IL17RA: variants seen among roughly 807,000 people sequenced by gnomAD.
The protein encoded by IL17RA is interleukin-17 receptor A.
Under a neutral mutation model 50.4 loss-of-function variants are expected in IL17RA, and 34 were observed. The observed-to-expected ratio is 0.67, with a 90% CI of 0.51 to 0.90. The LOEUF (loss-of-function observed/expected upper bound fraction) is 0.90, where lower values mean the gene tolerates loss of function less well. IL17RA is among the 40% of genes least tolerant of loss of function. IL17RA has a pLI of 0.00. For synonymous variants in IL17RA, 585 were observed against 510.4 expected (o/e 1.15, Z -1.97); for missense variants, 1,276 against 1,169.8 (o/e 1.09, Z -1.32).
At chr22:17,104,206 G>A (rs2061404002) in intron 8 of IL17RA, among the ~76,000 whole-genome samples, 2 of 50,588 alleles carry the variant, frequency 4.0e-5, no homozygotes, top group Non-Finnish European at 4.1e-5. Context: ...GGTGTGGCTG[G>A]GAGTGGGGAG....
chr22:17,092,955 T>C (rs1360900270), intron 1 of IL17RA, among the ~76,000 whole-genome samples: 1 of 152,208 alleles, frequency 6.6e-6, no homozygotes, highest in Admixed American at 6.5e-5. Context: ...TCAGTTTTCA[T>C]TCTCTGCCTG....
intron 1 of IL17RA, among the ~76,000 whole-genome samples, chr22:17,094,703 A>ATATATGTG (rs1555873374): frequency 6.1e-5 from 4 of 65,878 alleles, no homozygotes; most frequent in African/African-American, 1.8e-4. Flanking sequence ...ATATATATAT[A>ATATATGTG]TATATATATA....
intron 1 of IL17RA, among the ~76,000 whole-genome samples, chr22:17,090,303 C>T (rs539581781): frequency 3.9e-5 from 6 of 152,300 alleles, no homozygotes; most frequent in African/African-American, 1.4e-4. Flanking sequence ...GGATTACAGG[C>T]GTGAGCCATG....
chr22:17,108,212 T>C, intron 12 of IL17RA, 95 bp from the exon 13 acceptor site: 1 of 1,304,718 alleles, frequency 7.7e-7, no homozygotes, highest in Non-Finnish European at 1.1e-6. Context: ...GGAGCCAAGC[T>C]CTGTGTCCTG....
intron 8 of IL17RA, 139 bp downstream of exon 8, chr22:17,103,716 G>A: frequency 1.4e-6 from 1 of 738,750 alleles, no homozygotes; most frequent in Non-Finnish European, 2.4e-6. Context: ...GAGTGGTGTG[G>A]ACGGGAGTGG....
Position 17,105,596 on chromosome 22 carries a change from A to G in IL17RA, c.937A>G (p.Ile313Val). ...TTCCTCTGTTCTCATTGCAGAACCAATTCCGGGTAAGCTTGGATCTCTCTC... is the reference window on the plus strand; with the variant it reads ...TTCCTCTGTTCTCATTGCAGAACCAGTTCCGGGTAAGCTTGGATCTCTCTC... ...CPEMPDTPEP[I>V]PDYMPLWVYW... Residue 313 changes from isoleucine (I) to valine (V), a missense_variant, in exon 10 of 13, where the codon ATT becomes GTT. Transcript: ENST00000319363. 6.2e-7 allele frequency: 1 copy of G among 1,613,504 alleles called. No homozygotes were observed. Among genetic ancestry groups the G allele is most frequent in the Non-Finnish European group, 8.5e-7 (1 of 1,179,382 alleles).
At chr22:17,104,629 C>A in intron 8 of IL17RA, 97 bp from the exon 9 acceptor site, 1 of 1,100,262 alleles carries the variant, frequency 9.1e-7, no homozygotes, top group Non-Finnish European at 1.4e-6. Flanking sequence ...CGTGGTGTAG[C>A]CAGCCAGGAT....
At chr22:17,106,444 G>A (rs536483336) in intron 11 of IL17RA, among the ~76,000 whole-genome samples, 19 of 152,324 alleles carry the variant, frequency 1.2e-4, no homozygotes, top group African/African-American at 4.1e-4. Context: ...ATACACCATG[G>A]ATTCACTTTT....
chr22:17,107,828 G>C (rs1353256720), intron 12 of IL17RA, 60 bp downstream of exon 12: 52 of 1,488,304 alleles, frequency 3.5e-5, no homozygotes, highest in Non-Finnish European at 4.6e-5. Context: ...GTTCTCCTGG[G>C]ATAAGTGCGT....
intron 12 of IL17RA, 62 bp from the exon 13 acceptor site, chr22:17,108,245 C>A: frequency 6.5e-7 from 1 of 1,544,972 alleles, no homozygotes; most frequent in Non-Finnish European, 8.9e-7. Flanking sequence ...CCTGGGCTGG[C>A]AGGCACAGAG....
Position 17,094,683 on chromosome 22 carries a change from C to G in IL17RA, c.139-2379C>G, listed in dbSNP as rs868153121. Among the ~76,000 whole-genome samples the G allele has an allele frequency of 9.8e-3, 459 of 46,924 alleles. 53 individuals carry two copies. Among genetic ancestry groups the G allele is most frequent in the Non-Finnish European group, 0.013 (319 of 25,208 alleles). The allele number at this position is 46,924 out of a possible 152,430, so 30.8% of individuals were successfully genotyped here. On this transcript the variant is annotated intron_variant, in intron 1 of 12. Transcript: ENST00000319363. ...TCTCTCTCTCTCTCTCTCTCTCTCT[C>G]TCTCTCTCTATATATATATATATAT...
Position 17,109,606 on chromosome 22 carries a change from A to G in IL17RA, c.2387A>G (p.Tyr796Cys). 6.2e-7 allele frequency: 1 copy of G among 1,605,156 alleles called. No individual in the cohort carries two copies. The change falls in exon 13 of 13, where the codon TAC becomes TGC. Residue 796 changes from tyrosine (Y) to cysteine (C), a missense_variant. Physicochemically the swap from Tyr to Cys is radical, Grantham distance 194. Coordinates refer to ENST00000319363, the MANE Select transcript of IL17RA (RefSeq NM_014339.7). ...QRQSVQSDQGYISRSSPQPPE... is the reference protein window; with the variant it reads ...QRQSVQSDQGCISRSSPQPPE... The stretch of plus-strand genomic sequence containing the variant: ...CAGTCAGTGCAGTCTGACCAGGGCT[A>G]CATCTCCAGGAGCTCCCCGCAGCCC...
chr22:17,105,873 T>A lies in IL17RA; in HGVS notation c.964T>A (p.Tyr322Asn). The A allele has an allele frequency of 1.2e-6, 2 of 1,614,088 alleles. No individual in the cohort carries two copies. The highest frequency in any genetic ancestry group is 1.7e-6 in the Non-Finnish European group (2 of 1,179,982). The change falls in exon 11 of 13, where the codon TAC becomes AAC. Residue 322 changes from tyrosine (Y) to asparagine (N), a missense_variant. Coordinates refer to ENST00000319363, the MANE Select transcript of IL17RA (RefSeq NM_014339.7). Reference protein sequence around the residue: ...PIPDYMPLWVYWFITGISILL... With the variant: ...PIPDYMPLWVNWFITGISILL... ...CGCAGACTACATGCCCCTGTGGGTG[T>A]ACTGGTTCATCACGGGCATCTCCAT...
At position 17,105,914 on chromosome 22, in the gene IL17RA, C is replaced by T. The variant is rs147505812; in HGVS notation, c.1005C>T (p.Ser335=). 7.4e-6 allele frequency: 12 copies of T among 1,614,050 alleles called. No individual in the cohort carries two copies. The highest frequency in any genetic ancestry group is 3.3e-5 in the Admixed American group (2 of 60,004). ...GCATCTCCATCCTGCTGGTGGGCTC[C>T]GTCATCCTGCTCATCGTCTGCATGA... ...ITGISILLVG[S]VILLIVCMTW... Residue 335 remains serine, a synonymous_variant, in exon 11 of 13, where the codon TCC becomes TCT. Coordinates refer to ENST00000319363, the MANE Select transcript of IL17RA (RefSeq NM_014339.7).
chr22:17,100,264 CG>C, intron 4 of IL17RA, 90 bp from the exon 5 acceptor site: 2 of 1,487,910 alleles, frequency 1.3e-6, no homozygotes, highest in East Asian at 4.5e-5. Flanking sequence ...GCTGAATATT[CG>C]GGAGTGGGTG....
Position 17,112,543 on chromosome 22 carries a change from G to A in IL17RA, c.*2723G>A, listed in dbSNP as rs1470210804. On this transcript the variant is annotated 3_prime_UTR_variant, in exon 13 of 13. Transcript: ENST00000319363. ...AGAAAGGAGTCATAAATTCTCCAAGGTGTCTGTTTCTTCTTTAATGTCATT... is the reference window on the plus strand; with the variant it reads ...AGAAAGGAGTCATAAATTCTCCAAGATGTCTGTTTCTTCTTTAATGTCATT... 6.6e-6 allele frequency: 1 copy of A among 151,994 alleles called. No homozygotes were observed. The highest frequency in any genetic ancestry group is 1.5e-5 in the Non-Finnish European group (1 of 68,038). 9.4% of individuals were successfully genotyped at this position (151,994 alleles called of 1,614,324 possible).
At chr22:17,097,154 C>G (rs776676327) in intron 2 of IL17RA, 68 bp downstream of exon 2, 1 of 1,466,682 alleles carries the variant, frequency 6.8e-7, no homozygotes. Context: ...CTGCCAACTT[C>G]TGACAGAAGT....
chr22:17,088,844 G>A (rs764218876), intron 1 of IL17RA, among the ~76,000 whole-genome samples: 30 of 148,974 alleles, frequency 2.0e-4, no homozygotes, highest in Non-Finnish European at 3.3e-4. Flanking sequence ...CATCCAGATT[G>A]GAGTGCAGTG....
At chr22:17,096,277 C>T (rs1439078627) in intron 1 of IL17RA, among the ~76,000 whole-genome samples, 1 of 152,174 alleles carries the variant, frequency 6.6e-6, no homozygotes, top group Non-Finnish European at 1.5e-5. Flanking sequence ...ACATGGGTGC[C>T]TCAGCTTCCT....
Sources: allele counts gnomAD v4.1 joint callset (sites outside exome capture counted in the v4.1 genomes callset), GRCh38; gene constraint gnomAD v4.1.1; transcripts MANE v1.5; gene names NCBI Gene and HGNC (gene_info 2026-07-23, HGNC 2026-07-21).